KCNJ16: variants seen among roughly 807,000 people sequenced by gnomAD.
KCNJ16 encodes the protein inward rectifier potassium channel 16.
KCNJ16 carries 15 observed loss-of-function variants against 18.5 expected under a neutral mutation model. That is an observed-to-expected ratio of 0.81 (90% CI 0.54 to 1.25). The LOEUF is 1.25. Ranked by LOEUF, KCNJ16 falls within the 50% of genes most tolerant of loss-of-function variation. The pLI is 0.00. For missense variants in KCNJ16, 523 were observed against 525.7 expected (o/e 0.99, Z 0.05); for synonymous variants, 174 against 186.5 (o/e 0.93, Z 0.55).
chr17:70,133,402 G>T lies in KCNJ16; in HGVS notation c.*58G>T. ...ATCATTTTATCTTTCAGCCAATCAAGTCGTTGTAAACGTGGCTTTTTTGAA... is the reference window on the plus strand; with the variant it reads ...ATCATTTTATCTTTCAGCCAATCAATTCGTTGTAAACGTGGCTTTTTTGAA... On this transcript the variant is annotated 3_prime_UTR_variant, in exon 4 of 4. Coordinates refer to ENST00000392671, the MANE Select transcript of KCNJ16 (RefSeq NM_170741.4). 6.7e-7 allele frequency: 1 copy of T among 1,489,206 alleles called. No individual in the cohort carries two copies. Among genetic ancestry groups the T allele is most frequent in the African/African-American group, 1.4e-5 (1 of 71,320 alleles). The allele number at this position is 1,489,206 out of a possible 1,614,324, so 92.2% of individuals were successfully genotyped here.
rs1253570013 is a variant in KCNJ16, at chr17:70,135,236, G to A, written c.*1892G>A. ...CTCTGTAGATTTGGATTTTACAGCA[G>A]CAATTACTTGGCTAAATTAGAGTAC... is the stretch of plus-strand genomic sequence containing the variant. On this transcript the variant is annotated 3_prime_UTR_variant, in exon 4 of 4. Coordinates refer to ENST00000392671, the MANE Select transcript of KCNJ16 (RefSeq NM_170741.4). 6.0e-6 allele frequency: 1 copy of A among 166,856 alleles called. No homozygotes were observed. Among genetic ancestry groups the A allele is most frequent in the Admixed American group, 6.5e-5 (1 of 15,280 alleles). 10.3% of individuals were successfully genotyped at this position (166,856 alleles called of 1,614,324 possible).
At chr17:70,103,881 A>T (rs1023291391) in intron 2 of KCNJ16, among the ~76,000 whole-genome samples, 4 of 152,018 alleles carry the variant, frequency 2.6e-5, no homozygotes, top group Non-Finnish European at 4.4e-5. Context: ...CTGAGTAAAC[A>T]GCACAAGTAT....
At chr17:70,117,642 AC>A (rs2073466464) in intron 2 of KCNJ16, among the ~76,000 whole-genome samples, 1 of 152,200 alleles carries the variant, frequency 6.6e-6, no homozygotes, top group Non-Finnish European at 1.5e-5. Context: ...TCTTAGGAGT[AC>A]TAACTCTCTT....
intron 1 of KCNJ16, among the ~76,000 whole-genome samples, chr17:70,090,565 T>C (rs2072038485): frequency 6.6e-6 from 1 of 152,208 alleles, no homozygotes; most frequent in African/African-American, 2.4e-5. Context: ...AAGAGTATCA[T>C]TTTGGATGAT....
chr17:70,112,346 G>A (rs1258420034), intron 2 of KCNJ16, among the ~76,000 whole-genome samples: 1 of 151,386 alleles, frequency 6.6e-6, no homozygotes, highest in Non-Finnish European at 1.5e-5. Context: ...ATCTGTCTTT[G>A]AGGACTGGTT....
intron 1 of KCNJ16, among the ~76,000 whole-genome samples, chr17:70,095,286 A>C (rs1300717819): frequency 2.5e-5 from 3 of 121,112 alleles, no homozygotes; most frequent in Admixed American, 8.4e-5. Context: ...CTTTGACCAT[A>C]ATCTCTGCAG....
chr17:70,100,404 T>C (rs1459284614), intron 1 of KCNJ16, among the ~76,000 whole-genome samples: 6 of 152,194 alleles, frequency 3.9e-5, no homozygotes, highest in African/African-American at 1.4e-4. Flanking sequence ...TCTTACCTGA[T>C]ACTTCTCTGC....
intron 1 of KCNJ16, among the ~76,000 whole-genome samples, chr17:70,081,392 A>G (rs2158969): frequency 0.74 from 112,956 of 152,042 alleles, 42,261 homozygotes; most frequent in East Asian, 0.99. Context: ...TGAGCTGAAG[A>G]TAAGATTAGG....
chr17:70,101,888 T>A (rs1361295293), intron 2 of KCNJ16: 1 of 152,210 alleles, frequency 6.6e-6, no homozygotes, highest in South Asian at 2.1e-4. Flanking sequence ...TTTTAGGACA[T>A]TTTAGTTAAC....
At chr17:70,094,587 T>C (rs1054599985) in intron 1 of KCNJ16, among the ~76,000 whole-genome samples, 5 of 151,484 alleles carry the variant, frequency 3.3e-5, no homozygotes, top group African/African-American at 9.7e-5. Flanking sequence ...TAACCATCCA[T>C]TGCACTTATT....
chr17:70,112,056 AGAGGAAGTG>A (rs1335875172), intron 2 of KCNJ16, among the ~76,000 whole-genome samples: 5 of 152,200 alleles, frequency 3.3e-5, no homozygotes, highest in Non-Finnish European at 5.9e-5. Flanking sequence ...CCTGCTCAGG[AGAGGAAGTG>A]GAGACCCCCT....
Position 70,130,858 on chromosome 17 carries a change from ATTT to A in KCNJ16, c.-190-18_-190-16del. 9.5e-7 allele frequency: 1 copy of A among 1,051,510 alleles called. No individual in the cohort carries two copies. Among genetic ancestry groups the A allele is most frequent in the Admixed American group, 2.0e-5 (1 of 49,538 alleles). The allele number at this position is 1,051,510 out of a possible 1,614,324, so 65.1% of individuals were successfully genotyped here. On this transcript the variant is annotated intron_variant, in intron 2 of 3. Transcript: ENST00000392671. Reference sequence around the variant, plus strand: ...TGTTAAAATTGGCTACAATACTTTTATTTTTGTTTGTTTTGCACAGGAGTAACT... The same window carrying A: ...TGTTAAAATTGGCTACAATACTTTTATTGTTTGTTTTGCACAGGAGTAACT...
At chr17:70,096,022 A>G (rs963152775) in intron 1 of KCNJ16, among the ~76,000 whole-genome samples, 5 of 151,446 alleles carry the variant, frequency 3.3e-5, no homozygotes, top group African/African-American at 9.7e-5. Flanking sequence ...AGCTGGGACT[A>G]CAGGCGCCCA....
chr17:70,076,882 A>G (rs574479253), intron 1 of KCNJ16, among the ~76,000 whole-genome samples: 1 of 152,324 alleles, frequency 6.6e-6, no homozygotes, highest in East Asian at 1.9e-4. Context: ...AGTAAAACCT[A>G]CCACTTGTCC....
At chr17:70,108,041 T>C (rs1159657870) in intron 2 of KCNJ16, among the ~76,000 whole-genome samples, 2 of 152,156 alleles carry the variant, frequency 1.3e-5, no homozygotes, top group Non-Finnish European at 2.9e-5. Flanking sequence ...TACATCCCTG[T>C]AAAATTCATA....
chr17:70,101,781 A>AT (rs2072635382), intron 2 of KCNJ16: 2 of 64,722 alleles, frequency 3.1e-5, no homozygotes, highest in South Asian at 4.2e-4. Context: ...CCACTCATCC[A>AT]TTTTTTTAAA....
intron 1 of KCNJ16, among the ~76,000 whole-genome samples, chr17:70,085,529 C>A (rs150557365): frequency 6.6e-6 from 1 of 152,250 alleles, no homozygotes; most frequent in Non-Finnish European, 1.5e-5. Flanking sequence ...TGTGTTATTA[C>A]TGGAGATGCT....
intron 2 of KCNJ16, 158 bp downstream of exon 2, chr17:70,100,924 G>A (rs774689760): frequency 5.3e-5 from 8 of 152,118 alleles, no homozygotes; most frequent in South Asian, 2.1e-4. Flanking sequence ...GAGCAAATTC[G>A]GTGTTACAAA....
chr17:70,114,342 G>T (rs752339636), intron 2 of KCNJ16, among the ~76,000 whole-genome samples: 26 of 152,264 alleles, frequency 1.7e-4, no homozygotes, highest in Middle Eastern at 3.4e-3. Context: ...AGGACAGTTT[G>T]CAGGCAGTAC....
Sources: allele counts gnomAD v4.1 joint callset (sites outside exome capture counted in the v4.1 genomes callset), GRCh38; gene constraint gnomAD v4.1.1; transcripts MANE v1.5; gene names NCBI Gene and HGNC (gene_info 2026-07-23, HGNC 2026-07-21).